The following ZNF609 variants were observed in gnomAD, a reference collection of about 807,000 sequenced individuals.
ZNF609 encodes the protein zinc finger protein 609.
In ZNF609, 11 loss-of-function variants were observed where a neutral mutation model predicts 109.5. The ratio of observed to expected loss-of-function variants is 0.10; its 90% confidence interval spans 0.06 to 0.17. ZNF609 has a LOEUF of 0.17. Among genes scored for constraint, ZNF609 ranks in the 10% least tolerant of loss-of-function variants. The pLI is 1.00. For synonymous variants in ZNF609, 646 were observed against 662.0 expected, an observed-to-expected ratio of 0.98 and a Z score of 0.37; for missense variants, 1,559 against 1,772.4, an observed-to-expected ratio of 0.88 and a Z score of 2.16.
At chr15:64,563,755 C>T (rs1396382436) in intron 2 of ZNF609, among the ~76,000 whole-genome samples, 2 of 151,710 alleles carry the variant, frequency 1.3e-5, no homozygotes, top group East Asian at 1.9e-4. Context: ...GCCTGGGCAA[C>T]GAGAGCGAAA....
intron 3 of ZNF609, among the ~76,000 whole-genome samples, chr15:64,660,277 A>G (rs1004458883): frequency 2.0e-5 from 3 of 152,110 alleles, no homozygotes; most frequent in African/African-American, 4.8e-5. Context: ...TCTCATTTAT[A>G]TCTTTGTTTC....
In ZNF609 at chr15:64,675,959, A is replaced by G. The variant is rs142560267; in HGVS notation, c.3105A>G (p.Ala1035=). 1.1e-5 allele frequency: 18 copies of G among 1,614,050 alleles called. No individual in the cohort carries two copies. The Admixed American group carries it at 1.2e-4, about 10-fold the overall frequency. The stretch of plus-strand genomic sequence containing the variant: ...TGGGCCTGAAGGAGCGGGAGGCAGC[A>G]CTCAAGGAAGAGTGGAAGCAAAAGC... ...AEMGLKEREA[A]LKEEWKQKPS... Residue 1035 remains alanine, a synonymous_variant, in exon 5 of 10, where the codon GCA becomes GCG. Coordinates refer to ENST00000326648, the MANE Select transcript of ZNF609 (RefSeq NM_015042.2).
intron 1 of ZNF609, among the ~76,000 whole-genome samples, chr15:64,469,665 A>G (rs888808751): frequency 6.6e-6 from 1 of 152,044 alleles, no homozygotes; most frequent in Non-Finnish European, 1.5e-5. Flanking sequence ...CTCATTCTGC[A>G]GGCTCACCAA....
intron 2 of ZNF609, among the ~76,000 whole-genome samples, chr15:64,582,812 C>T (rs1356872906): frequency 1.7e-5 from 2 of 116,542 alleles, no homozygotes; most frequent in African/African-American, 3.2e-5. Flanking sequence ...AGTGCAGTGG[C>T]GTAATCTCGG....
intron 1 of ZNF609, among the ~76,000 whole-genome samples, chr15:64,486,623 C>CT (rs962168511): frequency 6.7e-5 from 10 of 150,064 alleles, no homozygotes; most frequent in East Asian, 3.9e-4. Context: ...AGTGGGGCAG[C>CT]TTTTTTTTTC....
intron 1 of ZNF609, among the ~76,000 whole-genome samples, chr15:64,472,853 T>TA (rs1235849047): frequency 2.0e-5 from 3 of 151,606 alleles, no homozygotes; most frequent in Non-Finnish European, 4.4e-5. Context: ...TCAAAAATAA[T>TA]AAAAAAAATA....
In ZNF609 at chr15:64,675,792, G is replaced by A. The variant is rs774976431; in HGVS notation, c.2938G>A (p.Val980Ile). Reference protein sequence around the residue: ...QSLYYNQYAYVPPYGYSDQSY... With the variant: ...QSLYYNQYAYIPPYGYSDQSY... ...CCTGTACTACAACCAGTATGCCTAT[G>A]TACCCCCCTATGGCTACAGCGACCA... Residue 980 changes from valine (V) to isoleucine (I), a missense_variant, in exon 5 of 10, where the codon GTA becomes ATA. By Grantham distance (29) the Val-to-Ile change is conservative (BLOSUM62 3). This residue lies in a region of ZNF609 where 1,204 missense variants were observed against 1,314.1 expected (regional missense o/e 0.92). Transcript: ENST00000326648. 6.2e-7 allele frequency: 1 copy of A among 1,614,188 alleles called. No homozygotes were observed. Among genetic ancestry groups the A allele is most frequent in the African/African-American group, 1.3e-5 (1 of 75,040 alleles).
chr15:64,596,024 T>C (rs747373106), intron 2 of ZNF609, among the ~76,000 whole-genome samples: 3 of 152,214 alleles, frequency 2.0e-5, no homozygotes, highest in Non-Finnish European at 4.4e-5. Flanking sequence ...AACATTTGGC[T>C]AGCTGTTTTA....
chr15:64,499,883 G>T lies in ZNF609; in HGVS notation c.464G>T (p.Gly155Val), dbSNP rs746675537. ...KAAKASRSVA[G>V]SKKEKENSSS... is the part of the protein sequence containing the mutation. ...GCTAAGGCATCCCGCAGTGTAGCCG[G>T]TTCCAAAAAGGAGAAGGAGAACAGC... The change falls in exon 2 of 10, where the codon GGT becomes GTT. Residue 155 changes from glycine to valine, a missense_variant. This residue lies in a region of ZNF609 where 291 missense variants were observed against 317.8 expected (regional missense o/e 0.92). Transcript: ENST00000326648. The T allele has an allele frequency of 1.2e-6, 2 of 1,614,056 alleles. No individual in the cohort carries two copies. The highest frequency in any genetic ancestry group is 1.7e-6 in the Non-Finnish European group (2 of 1,180,000).
intron 3 of ZNF609, among the ~76,000 whole-genome samples, chr15:64,657,545 C>T (rs368369760): frequency 1.3e-5 from 2 of 152,046 alleles, no homozygotes; most frequent in Admixed American, 6.5e-5. Flanking sequence ...ACCCCGTAGA[C>T]GGAGGTTGCA....
chr15:64,669,540 AAC>A (rs1181336309), intron 3 of ZNF609, among the ~76,000 whole-genome samples: 1 of 152,210 alleles, frequency 6.6e-6, no homozygotes, highest in African/African-American at 2.4e-5. Context: ...AAGACTGAAG[AAC>A]AGTTATGGAA....
intron 3 of ZNF609, among the ~76,000 whole-genome samples, chr15:64,655,888 G>A (rs1896481174): frequency 6.6e-6 from 1 of 152,050 alleles, no homozygotes; most frequent in East Asian, 1.9e-4. Context: ...CATAAAGAAT[G>A]TCTGTAGGGG....
chr15:64,553,234 G>C (rs1894515082), intron 2 of ZNF609, among the ~76,000 whole-genome samples: 1 of 148,032 alleles, frequency 6.8e-6, no homozygotes, highest in Admixed American at 6.8e-5. Flanking sequence ...TAGATTATTT[G>C]TCATAAACAT....
At chr15:64,564,638 G>A (rs1894744904) in intron 2 of ZNF609, among the ~76,000 whole-genome samples, 1 of 151,886 alleles carries the variant, frequency 6.6e-6, no homozygotes, top group Admixed American at 6.6e-5. Flanking sequence ...ATTCACAAGG[G>A]AAACCAGAAT....
intron 2 of ZNF609, among the ~76,000 whole-genome samples, chr15:64,592,714 C>A: frequency 6.7e-6 from 1 of 148,780 alleles, no homozygotes; most frequent in Non-Finnish European, 1.5e-5. Flanking sequence ...GTCAGGAGTT[C>A]AAGACCAGAC....
At chr15:64,577,143 T>C (rs1400465447) in intron 2 of ZNF609, among the ~76,000 whole-genome samples, 1 of 26,736 alleles carries the variant, frequency 3.7e-5, no homozygotes, top group Admixed American at 7.1e-4. Flanking sequence ...CACACAAATA[T>C]ATACATATGT....
intron 2 of ZNF609, among the ~76,000 whole-genome samples, chr15:64,525,477 C>G (rs1007970824): frequency 1.3e-5 from 2 of 152,166 alleles, no homozygotes; most frequent in East Asian, 3.8e-4. Context: ...CTTGATTACT[C>G]ATCTTTGTAG....
chr15:64,598,974 CAAATAGATGGG>C (rs2140945780), intron 2 of ZNF609, among the ~76,000 whole-genome samples: 1 of 150,150 alleles, frequency 6.7e-6, no homozygotes, highest in South Asian at 2.1e-4. Context: ...TCATCTTTGC[CAAATAGATGGG>C]AAATATACTG....
intron 2 of ZNF609, among the ~76,000 whole-genome samples, chr15:64,578,449 C>A (rs896414923): frequency 3.9e-5 from 6 of 152,002 alleles, no homozygotes; most frequent in Non-Finnish European, 8.8e-5. Flanking sequence ...AATCCCAGCA[C>A]CTTGGGAGGC....
Sources: gnomAD v4.1 joint callset for allele counts (sites outside exome capture counted in the v4.1 genomes callset) on GRCh38, gnomAD v4.1.1 for gene constraint, gnomAD v4.1.1 regional missense constraint, MANE v1.5 for transcripts, NCBI Gene and HGNC (gene_info 2026-07-23, HGNC 2026-07-21) for gene names.